Variants in ADCY9 observed in about 807,000 individuals in gnomAD.
ADCY9 encodes adenylate cyclase 9, also known as adenylate cyclase type 9.
A neutral mutation model predicts 101.5 loss-of-function variants in ADCY9; 50 were observed. That is an observed-to-expected ratio of 0.49 (90% CI 0.39 to 0.62). The LOEUF (loss-of-function observed/expected upper bound fraction) is 0.62, where lower values mean the gene tolerates loss of function less well. Among genes scored for constraint, ADCY9 ranks in the 20% least tolerant of loss-of-function variants. The pLI is 0.00. For missense variants in ADCY9, 1,662 were observed against 1,800.4 expected, an observed-to-expected ratio of 0.92 and a Z score of 1.39; for synonymous variants, 905 against 769.3, an observed-to-expected ratio of 1.18 and a Z score of -2.92.
At chr16:3,990,891 C>A (rs1002578754) in intron 5 of ADCY9, among the ~76,000 whole-genome samples, 4 of 152,210 alleles carry the variant, frequency 2.6e-5, no homozygotes, top group African/African-American at 9.6e-5. Context: ...CCTCTGCCTC[C>A]TGGGTTCAAG....
intron 2 of ADCY9, among the ~76,000 whole-genome samples, chr16:4,113,246 C>T (rs915717445): frequency 6.6e-6 from 1 of 151,822 alleles, no homozygotes; most frequent in Non-Finnish European, 1.5e-5. Flanking sequence ...TCTCCAGAGA[C>T]CTGCAGGACT....
chr16:4,092,077 T>G (rs995605871), intron 2 of ADCY9, among the ~76,000 whole-genome samples: 3 of 152,252 alleles, frequency 2.0e-5, no homozygotes, highest in African/African-American at 7.2e-5. Context: ...AAGGCCAGCC[T>G]GGCCAACATG....
rs553431531 is a variant in ADCY9 at position 3,971,777 on chromosome 16, C to A, written c.2870+2892G>T. 5.3e-5 allele frequency among the ~76,000 whole-genome samples: 8 copies of A among 152,120 alleles called. No individual in the cohort carries two copies. The East Asian group carries it at 1.5e-3, about 29-fold the overall frequency. On this transcript the variant is annotated intron_variant, in intron 10 of 10. Transcript: ENST00000294016. ...AGCAGGTGTCACCAAGGTCTAACAT[C>A]CCCATTATGTGCAGGGGGTGTTTCC...
At chr16:4,000,968 T>TACACACACACAC (rs141254290) in intron 3 of ADCY9, among the ~76,000 whole-genome samples, 11,696 of 124,906 alleles carry the variant, frequency 0.094, 676 homozygotes, top group East Asian at 0.21. Context: ...TCCCTCTCTC[T>TACACACACACAC]ACACACACAC....
intron 2 of ADCY9, among the ~76,000 whole-genome samples, chr16:4,055,594 G>A (rs1259784382): frequency 1.3e-5 from 2 of 152,014 alleles, no homozygotes; most frequent in East Asian, 1.9e-4. Flanking sequence ...AGCACTTTGG[G>A]AGGCCGGGGT....
intron 8 of ADCY9, among the ~76,000 whole-genome samples, chr16:3,978,359 C>T (rs1396933759): frequency 6.6e-6 from 1 of 152,218 alleles, no homozygotes; most frequent in Non-Finnish European, 1.5e-5. Context: ...CTCACTTGCA[C>T]CAGAAGGATC....
At chr16:3,986,549 C>A (rs565868704) in intron 6 of ADCY9, among the ~76,000 whole-genome samples, 3 of 152,310 alleles carry the variant, frequency 2.0e-5, no homozygotes, top group Admixed American at 2.0e-4. Flanking sequence ...CCTCCGCCTC[C>A]CGGGTTCAGG....
chr16:4,016,187 G>C (rs1365482234), intron 2 of ADCY9, among the ~76,000 whole-genome samples: 1 of 152,168 alleles, frequency 6.6e-6, no homozygotes, highest in Admixed American at 6.5e-5. Context: ...AAGTCCAAGT[G>C]TCTATGGGCT....
Position 4,056,151 on chromosome 16 carries a change from A to G in ADCY9, c.1694-48593T>C, listed in dbSNP as rs2056736425. Among the ~76,000 whole-genome samples the G allele has an allele frequency of 2.6e-5, 4 of 152,248 alleles. No individual in the cohort carries two copies. The South Asian group carries it at 8.3e-4, about 31-fold the overall frequency. ...AAATTCTGTGACATCAGGATTCTTC[A>G]ATAATCTCTTCAACATCAGCTCTCA... On this transcript the variant is annotated intron_variant, in intron 2 of 10. Transcript: ENST00000294016.
chr16:4,005,794 G>A (rs968786438), intron 3 of ADCY9, among the ~76,000 whole-genome samples: 7 of 152,174 alleles, frequency 4.6e-5, no homozygotes, highest in African/African-American at 9.7e-5. Context: ...CAAACACAAC[G>A]AATTATATAT....
chr16:4,029,474 C>T (rs752703527), intron 2 of ADCY9, among the ~76,000 whole-genome samples: 6 of 152,172 alleles, frequency 3.9e-5, no homozygotes, highest in African/African-American at 7.2e-5. Context: ...AGGCCAGGCC[C>T]GGGGGCTCAC....
chr16:4,114,389 C>A lies in ADCY9; in HGVS notation c.1054G>T (p.Glu352Ter), dbSNP rs1490276002. Reference protein sequence around the residue: ...IADDLMKQGDEESENSVKRHA... With the variant: ...IADDLMKQGD ...CTCTTGACAGAATTCTCACTCTCCTCATCTCCCTGCTTCATTAAGTCATCG... is the reference window on the plus strand; with the variant it reads ...CTCTTGACAGAATTCTCACTCTCCTAATCTCCCTGCTTCATTAAGTCATCG... The change falls in exon 2 of 11, where the codon GAG becomes TAG. Residue 352 changes from glutamate to a stop codon, truncating the protein, a stop_gained. Transcript: ENST00000294016. LOFTEE classifies it high-confidence loss of function. This position sits in a 1 kb window ranked among gnomAD's most constrained non-coding sequence, Gnocchi z 4.3. 1 of 1,614,134 alleles carries A rather than the reference C, an allele frequency of 6.2e-7. No individual in the cohort carries two copies. The highest frequency in any genetic ancestry group is 2.2e-5 in the East Asian group (1 of 44,896).
downstream of ADCY9, among the ~76,000 whole-genome samples, chr16:3,962,346 C>T (rs1293577505): frequency 1.3e-5 from 2 of 152,158 alleles, no homozygotes; most frequent in Non-Finnish European, 2.9e-5. Flanking sequence ...ATTTAGGAGG[C>T]CTGACAGGGA....
intron 3 of ADCY9, among the ~76,000 whole-genome samples, chr16:3,998,699 ACT>A (rs1265343837): frequency 1.6e-5 from 2 of 122,524 alleles, no homozygotes; most frequent in Non-Finnish European, 3.3e-5. Context: ...AAAGAGCAAA[ACT>A]CTGTCTCAAA....
At chr16:4,013,353 G>A (rs1021754836) in intron 2 of ADCY9, among the ~76,000 whole-genome samples, 5 of 151,996 alleles carry the variant, frequency 3.3e-5, no homozygotes, top group African/African-American at 4.8e-5. Flanking sequence ...CTTGAGAGGC[G>A]GAGGTTGCAG....
intron 8 of ADCY9, among the ~76,000 whole-genome samples, chr16:3,978,671 T>C (rs1438592806): frequency 6.6e-6 from 1 of 152,214 alleles, no homozygotes; most frequent in Non-Finnish European, 1.5e-5. Flanking sequence ...AAAAGCTGGC[T>C]CAGGAGAGTA....
At chr16:4,102,123 C>T (rs1168151549) in intron 2 of ADCY9, among the ~76,000 whole-genome samples, 1 of 152,184 alleles carries the variant, frequency 6.6e-6, no homozygotes, top group African/African-American at 2.4e-5. Flanking sequence ...CGAAATGTGA[C>T]TCAGCCAGCG....
At chr16:4,039,362 C>A (rs919840695) in intron 2 of ADCY9, among the ~76,000 whole-genome samples, 5 of 152,072 alleles carry the variant, frequency 3.3e-5, no homozygotes, top group African/African-American at 1.2e-4. Context: ...AGTGTTCCAA[C>A]GACACTTTAA....
intron 2 of ADCY9, among the ~76,000 whole-genome samples, chr16:4,095,522 T>C (rs973159351): frequency 1.3e-5 from 2 of 152,136 alleles, no homozygotes; most frequent in Non-Finnish European, 2.9e-5. Context: ...AGTGAAAAAC[T>C]TGCCAACACA....
Sources: gnomAD v4.1 joint callset for allele counts (sites outside exome capture counted in the v4.1 genomes callset) on GRCh38, gnomAD v4.1.1 for gene constraint, Gnocchi (gnomAD v3.1) non-coding constraint, MANE v1.5 for transcripts, NCBI Gene and HGNC (gene_info 2026-07-23, HGNC 2026-07-21) for gene names.